HMCN1: variants seen among roughly 807,000 people sequenced by gnomAD.
HMCN1 encodes hemicentin 1.
In HMCN1, 321 loss-of-function variants were observed where a neutral mutation model predicts 625.9. The observed-to-expected ratio is 0.51, with a 90% CI of 0.47 to 0.56. The LOEUF (loss-of-function observed/expected upper bound fraction) is 0.56. Ranked by LOEUF, HMCN1 falls within the 20% of genes least tolerant of loss-of-function variation. The pLI is 0.00. For missense variants in HMCN1, 6,588 were observed against 6,887.3 expected, an observed-to-expected ratio of 0.96 and a Z score of 1.54; for synonymous variants, 2,425 against 2,417.6, an observed-to-expected ratio of 1.00 and a Z score of -0.09.
chr1:186,087,945 G>C lies in HMCN1; in HGVS notation c.9377G>C (p.Gly3126Ala), dbSNP rs146544923. 1 of 1,612,652 alleles carries C rather than the reference G, an allele frequency of 6.2e-7. No homozygotes were observed. The highest frequency in any genetic ancestry group is 1.3e-5 in the African/African-American group (1 of 74,924). The change falls in exon 61 of 107, where the codon GGC (glycine) becomes GCC (alanine). Residue 3126 changes from glycine (G) to alanine (A), a missense_variant. Gly to Ala is a moderately conservative substitution (Grantham distance 60, BLOSUM62 0). Transcript: ENST00000271588. ...TTTTTCTTTTAGGTATCTGACACAG[G>C]CCAGTATGTATGTAGAGCTATAAAT... The part of the protein sequence containing the change: ...HIKKAEVSDT[G>A]QYVCRAINVA...
chr1:185,961,243 C>A (rs761000335), intron 11 of HMCN1, among the ~76,000 whole-genome samples: 4 of 152,166 alleles, frequency 2.6e-5, no homozygotes, highest in Non-Finnish European at 4.4e-5. Context: ...GTATAGATTC[C>A]CCAAGCTGTT....
intron 11 of HMCN1, among the ~76,000 whole-genome samples, chr1:185,952,872 A>G (rs71210772): frequency 6.6e-6 from 1 of 151,334 alleles, no homozygotes; most frequent in Non-Finnish European, 1.5e-5. Flanking sequence ...AAGGATTGGG[A>G]CACGGAAATA....
chr1:185,909,577 T>C, intron 5 of HMCN1, 69 bp downstream of exon 5: 1 of 1,368,168 alleles, frequency 7.3e-7, no homozygotes, highest in South Asian at 1.2e-5. Context: ...TTCACACACT[T>C]GTTTTTGTCA....
intron 63 of HMCN1, among the ~76,000 whole-genome samples, chr1:186,090,537 A>G (rs1474776733): frequency 1.3e-5 from 2 of 151,970 alleles, no homozygotes; most frequent in African/African-American, 2.4e-5. Context: ...ACTAGCCCCT[A>G]TGACTAAATA....
intron 10 of HMCN1, 60 bp from the exon 11 acceptor site, chr1:185,933,489 T>C (rs1467762141): frequency 6.4e-7 from 1 of 1,566,030 alleles, no homozygotes; most frequent in Non-Finnish European, 8.8e-7. Flanking sequence ...TTAAACCACA[T>C]CTGTAAGTGA....
chr1:186,157,071 A>G (rs1243178730), intron 97 of HMCN1, among the ~76,000 whole-genome samples: 1 of 152,188 alleles, frequency 6.6e-6, no homozygotes, highest in Non-Finnish European at 1.5e-5. Flanking sequence ...GGGAACCTAT[A>G]TTTTTAATAG....
chr1:185,901,372 T>G (rs1475911492), intron 4 of HMCN1, among the ~76,000 whole-genome samples: 2 of 151,742 alleles, frequency 1.3e-5, no homozygotes, highest in Admixed American at 6.6e-5. Context: ...GGAACTGAAG[T>G]TTCTTTCAAA....
chr1:185,871,084 C>G (rs985218313), intron 4 of HMCN1, among the ~76,000 whole-genome samples: 4 of 152,106 alleles, frequency 2.6e-5, no homozygotes, highest in African/African-American at 9.7e-5. Context: ...CAAAAATTAG[C>G]TGGGCATGGT....
At chr1:186,151,803 T>A in intron 95 of HMCN1, 60 bp downstream of exon 95, 1 of 1,517,032 alleles carries the variant, frequency 6.6e-7, no homozygotes, top group East Asian at 2.3e-5. Flanking sequence ...AGATAGGTGA[T>A]TAAGAAAAAT....
At chr1:186,114,764 A>G in intron 73 of HMCN1, 55 bp from the exon 74 acceptor site, 2 of 1,605,226 alleles carry the variant, frequency 1.2e-6, no homozygotes, top group South Asian at 1.1e-5. Flanking sequence ...CAGTCAAAAT[A>G]TGAACAATCA....
intron 4 of HMCN1, among the ~76,000 whole-genome samples, chr1:185,872,921 C>T (rs1663709071): frequency 6.6e-6 from 1 of 152,026 alleles, no homozygotes; most frequent in African/African-American, 2.4e-5. Flanking sequence ...GTATAAAATT[C>T]AGAAAACAGA....
chr1:186,017,059 C>T lies in HMCN1; in HGVS notation c.5288C>T (p.Pro1763Leu). 1 of 1,581,504 alleles carries T rather than the reference C, an allele frequency of 6.3e-7. No homozygotes were observed. The change falls in exon 33 of 107, where the codon CCA becomes CTA. Residue 1763 changes from proline to leucine, a missense_variant. Coordinates refer to ENST00000271588, the MANE Select transcript of HMCN1 (RefSeq NM_031935.3). ...ELDCHVTGSPPPTIMWLKDGQ... is the reference protein window; with the variant it reads ...ELDCHVTGSPLPTIMWLKDGQ... ...GATTGTCATGTGACAGGCTCTCCCC[C>T]ACCAACTATCATGTAAGGGTTTTGG...
chr1:186,141,003 T>C (rs984771835), intron 89 of HMCN1, among the ~76,000 whole-genome samples: 1 of 152,138 alleles, frequency 6.6e-6, no homozygotes, highest in African/African-American at 2.4e-5. Flanking sequence ...TAATGTAGAC[T>C]CAGTGGAAGC....
At chr1:186,011,145 A>T (rs557808111) in intron 30 of HMCN1, among the ~76,000 whole-genome samples, 1 of 152,216 alleles carries the variant, frequency 6.6e-6, no homozygotes, top group African/African-American at 2.4e-5. Context: ...TCTTCGGTTC[A>T]AGTGATTCTC....
At position 185,984,049 on chromosome 1, in the gene HMCN1, G is replaced by C. The variant is rs570335501; in HGVS notation, c.2791-120G>C. 7.2e-5 allele frequency: 52 copies of C among 721,230 alleles called. No homozygotes were observed. In the African/African-American group the frequency reaches 8.4e-4, roughly 12 times the overall value. 44.7% of individuals were successfully genotyped at this position (721,230 alleles called of 1,614,324 possible). ...CATCGTTCTTCACTTAAGGACATTA[G>C]AATATTTTGTTTATAGACTTTTAGT... On this transcript the variant is annotated intron_variant, in intron 18 of 106. Coordinates refer to ENST00000271588, the MANE Select transcript of HMCN1 (RefSeq NM_031935.3).
chr1:185,864,587 A>T lies in HMCN1; in HGVS notation c.457A>T (p.Thr153Ser), dbSNP rs766040416. Residue 153 changes from threonine to serine, a missense_variant, in exon 3 of 107, where the codon ACC becomes TCC. Around this residue, in one of 3 missense-constraint regions of HMCN1, gnomAD observed 4,628 missense variants for 4,853.1 expected, o/e 0.95. Coordinates refer to ENST00000271588, the MANE Select transcript of HMCN1 (RefSeq NM_031935.3). ...TGCTCGGTCCAAAGATTACCGGCTC[A>T]CCCATGAGGTGCTGCAACTTATCCA... ...TDARSKDYRLTHEVLQLIQQK... is the reference protein window; with the variant it reads ...TDARSKDYRLSHEVLQLIQQK... The T allele has an allele frequency of 1.2e-6, 2 of 1,614,048 alleles. No homozygotes were observed. The highest frequency in any genetic ancestry group is 1.7e-6 in the Non-Finnish European group (2 of 1,179,976).
At chr1:186,061,819 A>T (rs1215582482) in intron 46 of HMCN1, 32 bp from the exon 47 acceptor site, 2 of 1,469,666 alleles carry the variant, frequency 1.4e-6, no homozygotes, top group East Asian at 2.3e-5. Flanking sequence ...TTTCTTTTTA[A>T]GTTATCTTAA....
intron 1 of HMCN1, among the ~76,000 whole-genome samples, chr1:185,744,605 A>G (rs1277178599): frequency 1.3e-5 from 2 of 152,210 alleles, no homozygotes; most frequent in Non-Finnish European, 2.9e-5. Flanking sequence ...GGCAAGATAA[A>G]TTACAATATA....
Position 185,994,798 on chromosome 1 carries a change from C to G in HMCN1, c.3506-17C>G, listed in dbSNP as rs184715575. 1.2e-5 allele frequency: 20 copies of G among 1,611,160 alleles called. No individual in the cohort carries two copies. In the East Asian group the frequency reaches 4.2e-4, roughly 34 times the overall value. On this transcript the variant is annotated splice_polypyrimidine_tract_variant and intron_variant, in intron 23 of 106. Coordinates refer to ENST00000271588, the MANE Select transcript of HMCN1 (RefSeq NM_031935.3). The stretch of plus-strand genomic sequence containing the variant: ...TTTGTGAAAGTTGGATTATTAATAC[C>G]CAGTTATTATTTCTAGTTCCTCCAA...
Sources: gnomAD v4.1 joint callset for allele counts (sites outside exome capture counted in the v4.1 genomes callset) on GRCh38, gnomAD v4.1.1 for gene constraint, gnomAD v4.1.1 regional missense constraint, MANE v1.5 for transcripts, NCBI Gene and HGNC (gene_info 2026-07-23, HGNC 2026-07-21) for gene names.